IQCH: variants seen among roughly 807,000 people sequenced by gnomAD.
IQCH encodes IQ motif containing H.
A neutral mutation model predicts 117.0 loss-of-function variants in IQCH; 98 were observed. The ratio of observed to expected loss-of-function variants is 0.84; its 90% CI spans 0.71 to 0.99. The LOEUF (loss-of-function observed/expected upper bound fraction) is 0.99, where lower values mean the gene tolerates loss of function less well. Among genes scored for constraint, IQCH ranks in the 50% least tolerant of loss-of-function variants. IQCH has a pLI of 0.00. For missense variants in IQCH, 1,102 were observed against 1,243.8 expected (o/e 0.89, Z 1.72); for synonymous variants, 412 against 448.2 (o/e 0.92, Z 1.02).
At chr15:67,277,827 C>T (rs1344443501) in intron 3 of IQCH, among the ~76,000 whole-genome samples, 1 of 152,162 alleles carries the variant, frequency 6.6e-6, no homozygotes, top group Admixed American at 6.5e-5. Context: ...GCCACCGCGC[C>T]TGGCCCAGTA....
At chr15:67,324,626 A>AAT (rs1596184038) in intron 4 of IQCH, among the ~76,000 whole-genome samples, 1 of 151,584 alleles carries the variant, frequency 6.6e-6, no homozygotes, top group Non-Finnish European at 1.5e-5. Flanking sequence ...AAAAAAAAAA[A>AAT]AAGAAGTCAA....
rs1596208083 is a variant in IQCH at position 67,337,162 on chromosome 15, G to T, written c.508+67G>T. 5 of 1,572,596 alleles carry T rather than the reference G, an allele frequency of 3.2e-6. No homozygotes were observed. In the East Asian group the frequency reaches 1.1e-4, roughly 35 times the overall value. ...AAGAAAGAGCATTGAGGTAGGATCG[G>T]AGGCCTGAATTTGGACTCTGGCTCA... On this transcript the variant is annotated intron_variant, in intron 5 of 20. Coordinates refer to ENST00000335894, the MANE Select transcript of IQCH (RefSeq NM_001031715.3).
intron 3 of IQCH, among the ~76,000 whole-genome samples, chr15:67,267,680 G>T (rs1347120619): frequency 2.0e-5 from 3 of 152,172 alleles, no homozygotes; most frequent in Non-Finnish European, 2.9e-5. Flanking sequence ...TCTGAGAGGG[G>T]AGGCATATAA....
At chr15:67,389,246 G>A (rs952215315) in intron 12 of IQCH, among the ~76,000 whole-genome samples, 1 of 152,110 alleles carries the variant, frequency 6.6e-6, no homozygotes, top group African/African-American at 2.4e-5. Flanking sequence ...TTACTAGGTG[G>A]TACCATCAAG....
chr15:67,259,605 A>G (rs1190745343), intron 1 of IQCH, among the ~76,000 whole-genome samples: 1 of 152,238 alleles, frequency 6.6e-6, no homozygotes, highest in Non-Finnish European at 1.5e-5. Context: ...AACCTTTGGT[A>G]CAGTTTTTAC....
chr15:67,372,185 C>A lies in IQCH; in HGVS notation c.828C>A (p.Val276=), dbSNP rs551991041. Residue 276 remains valine, a synonymous_variant, in exon 9 of 21, where the codon GTC becomes GTA. Transcript: ENST00000335894. Reference sequence around the variant, plus strand: ...ATGACTTTTTAATTTATGATGGTGTCATAGACAATACAGCCCCAGACTTCT... The same window carrying A: ...ATGACTTTTTAATTTATGATGGTGTAATAGACAATACAGCCCCAGACTTCT... ...WDYDFLIYDG[V]IDNTAPDFLA... 4.3e-6 allele frequency: 7 copies of A among 1,613,874 alleles called. No individual in the cohort carries two copies. Among genetic ancestry groups the A allele is most frequent in the Non-Finnish European group, 5.9e-6 (7 of 1,179,948 alleles).
chr15:67,354,265 A>G (rs1484114230), intron 6 of IQCH, among the ~76,000 whole-genome samples: 1 of 152,198 alleles, frequency 6.6e-6, no homozygotes, highest in African/African-American at 2.4e-5. Context: ...AATCAAGGAA[A>G]AATGTAAGGA....
intron 16 of IQCH, among the ~76,000 whole-genome samples, chr15:67,441,237 C>T (rs1358904427): frequency 3.3e-5 from 5 of 149,632 alleles, no homozygotes; most frequent in East Asian, 2.0e-4. Context: ...AAATCACAGA[C>T]GACACAAACA....
Position 67,342,384 on chromosome 15 carries a change from C to T in IQCH, c.509-1679C>T, listed in dbSNP as rs1396509587. On this transcript the variant is annotated intron_variant, in intron 5 of 20. Transcript: ENST00000335894. The surrounding 1 kb of genome is among the most constrained non-coding windows in gnomAD (Gnocchi z 4.7). ...TACTCAGTAATCTCTTCTGCTTGTT[C>T]GAAAATCTTAATTTTTTCCTTCCAA... Among the ~76,000 whole-genome samples the T allele has an allele frequency of 3.9e-5, 6 of 152,108 alleles. 1 individual carries two copies. Among genetic ancestry groups the T allele is most frequent in the East Asian group, 3.9e-4 (2 of 5,168 alleles).
At chr15:67,452,282 T>G (rs1011376040) in intron 16 of IQCH, among the ~76,000 whole-genome samples, 1 of 152,212 alleles carries the variant, frequency 6.6e-6, no homozygotes, top group Admixed American at 6.5e-5. Context: ...GTTAGCTGGT[T>G]ATTTTGCTCG....
At chr15:67,419,704 C>A (rs1051362551) in intron 15 of IQCH, among the ~76,000 whole-genome samples, 15 of 152,148 alleles carry the variant, frequency 9.9e-5, no homozygotes, top group African/African-American at 3.6e-4. Context: ...CAGGCGCACA[C>A]CCCCACGCCC....
chr15:67,450,091 G>C (rs2140987644), intron 16 of IQCH, among the ~76,000 whole-genome samples: 1 of 152,300 alleles, frequency 6.6e-6, no homozygotes, highest in South Asian at 2.1e-4. Flanking sequence ...CTGAGACTTT[G>C]CTGAAGTTGC....
chr15:67,344,018 A>C, intron 5 of IQCH, 45 bp from the exon 6 acceptor site: 7 of 1,562,074 alleles, frequency 4.5e-6, no homozygotes, highest in Non-Finnish European at 3.5e-6. Flanking sequence ...GACTTTGTGG[A>C]ATTGCTTGGA....
chr15:67,405,010 A>G lies in IQCH; in HGVS notation c.2097+4705A>G, dbSNP rs780582906. The G allele has an allele frequency of 2.0e-5, 3 of 152,174 alleles. No individual in the cohort carries two copies. The highest frequency in any genetic ancestry group is 4.4e-5 in the Non-Finnish European group (3 of 68,022). 9.4% of individuals were successfully genotyped at this position (152,174 alleles called of 1,614,324 possible). ...ATACTAGTTTTACCACAACCTTACC[A>G]CCAATGGATATTATGAACTATTTGC... On this transcript the variant is annotated intron_variant, in intron 14 of 20. Coordinates refer to ENST00000335894, the MANE Select transcript of IQCH (RefSeq NM_001031715.3). This position sits in a 1 kb window ranked among gnomAD's most constrained non-coding sequence, Gnocchi z 4.8.
rs66772420 is a variant in IQCH, at chr15:67,395,702, C to CTTTA, written c.1905+171_1905+174dup. On this transcript the variant is annotated intron_variant, in intron 13 of 20. Coordinates refer to ENST00000335894, the MANE Select transcript of IQCH (RefSeq NM_001031715.3). The surrounding 1 kb of genome is among the most constrained non-coding windows in gnomAD (Gnocchi z 4.0). The stretch of plus-strand genomic sequence containing the variant: ...ATTTGAGTTGATTTGAGGGAATCTA[C>CTTTA]TTTATTTATTTATTTATTTATTTAT... The CTTTA allele has an allele frequency of 0.028, 6,682 of 241,854 alleles. 330 individuals are homozygous for CTTTA. The highest frequency in any genetic ancestry group is 0.12 in the African/African-American group (4,822 of 41,168). 15.0% of individuals were successfully genotyped at this position (241,854 alleles called of 1,614,324 possible). A position where few individuals can be genotyped will look rare whatever the true frequency, so the allele number is the denominator to read the frequency against.
At chr15:67,297,276 AT>A (rs139698733) in intron 4 of IQCH, among the ~76,000 whole-genome samples, 2 of 152,280 alleles carry the variant, frequency 1.3e-5, no homozygotes, top group South Asian at 2.1e-4. Context: ...AAGAAAATGT[AT>A]TTTTGAATAG....
intron 3 of IQCH, among the ~76,000 whole-genome samples, chr15:67,276,791 G>C (rs1167546507): frequency 6.6e-6 from 1 of 152,108 alleles, no homozygotes; most frequent in Non-Finnish European, 1.5e-5. Context: ...ATATGTATAG[G>C]TGTAGGGTTT....
intron 8 of IQCH, chr15:67,360,141 C>T: frequency 2.5e-6 from 1 of 402,186 alleles, no homozygotes; most frequent in Non-Finnish European, 4.4e-6. Context: ...AATGACTTAG[C>T]GTCCTTAAAA....
intron 16 of IQCH, among the ~76,000 whole-genome samples, chr15:67,464,518 G>A (rs147164745): frequency 6.6e-6 from 1 of 152,272 alleles, no homozygotes; most frequent in African/African-American, 2.4e-5. Flanking sequence ...AGGATAAGGT[G>A]TTATCACCAA....
Sources: gnomAD v4.1 joint callset for allele counts (sites outside exome capture counted in the v4.1 genomes callset) on GRCh38, gnomAD v4.1.1 for gene constraint, Gnocchi (gnomAD v3.1) non-coding constraint, MANE v1.5 for transcripts, NCBI Gene and HGNC (gene_info 2026-07-23, HGNC 2026-07-21) for gene names.